Variants in CYB5R4 observed in about 807,000 individuals in gnomAD.
CYB5R4 encodes the protein cytochrome b5 reductase 4, also known as N-terminal cytochrome b5 and cytochrome b5 oxidoreductase domain-containing protein.
A neutral mutation model predicts 70.2 loss-of-function variants in CYB5R4; 55 were observed. The ratio of observed to expected loss-of-function variants is 0.78; its 90% CI spans 0.63 to 0.98. The LOEUF (loss-of-function observed/expected upper bound fraction) is 0.98. CYB5R4 is among the 50% of genes least tolerant of loss of function. CYB5R4 has a pLI of 0.00. For missense variants in CYB5R4, 562 were observed against 612.6 expected, an observed-to-expected ratio of 0.92 and a Z score of 0.87; for synonymous variants, 197 against 199.5, an observed-to-expected ratio of 0.99 and a Z score of 0.11.
In CYB5R4 at chr6:83,924,509, T is replaced by C. The variant is rs1289732954; in HGVS notation, c.731T>C (p.Leu244Pro). Residue 244 changes from leucine (L) to proline (P), a missense_variant, in exon 10 of 16, where the codon CTA (leucine) becomes CCA (proline). Transcript: ENST00000369681. ...VESVGKIEIV[L>P]QKKENTSWDF... ...AGTGTGGGAAAAATAGAGATTGTTCTACAAAAAAAAGAGAATACTTCTTGG... is the reference window on the plus strand; with the variant it reads ...AGTGTGGGAAAAATAGAGATTGTTCCACAAAAAAAAGAGAATACTTCTTGG... 5.6e-6 allele frequency: 9 copies of C among 1,613,598 alleles called. No individual in the cohort carries two copies. The highest frequency in any genetic ancestry group is 6.8e-6 in the Non-Finnish European group (8 of 1,179,770).
chr6:83,898,068 G>A (rs149189367), intron 3 of CYB5R4, among the ~76,000 whole-genome samples: 330 of 144,880 alleles, frequency 2.3e-3, no homozygotes, highest in African/African-American at 8.7e-3. Flanking sequence ...TTATGGTAGC[G>A]TTTTTATGGT....
At chr6:83,859,918 C>G in intron 1 of CYB5R4, 61 bp downstream of exon 1, 7 of 1,475,154 alleles carry the variant, frequency 4.7e-6, no homozygotes, top group Non-Finnish European at 6.4e-6. Flanking sequence ...GCAGTGTGTT[C>G]TCTTCTTCCG....
chr6:83,942,661 T>C (rs180779029), intron 14 of CYB5R4, among the ~76,000 whole-genome samples: 4 of 152,222 alleles, frequency 2.6e-5, no homozygotes, highest in Non-Finnish European at 5.9e-5. Context: ...AGCCAGGTGG[T>C]CTTGCTCAGC....
At chr6:83,938,518 T>C (rs570002253) in intron 12 of CYB5R4, among the ~76,000 whole-genome samples, 31 of 152,328 alleles carry the variant, frequency 2.0e-4, no homozygotes, top group African/African-American at 7.0e-4. Flanking sequence ...TGGCTTTCCA[T>C]GTGTTCTGAT....
At chr6:83,924,069 CAAAAAA>C (rs34702511) in intron 9 of CYB5R4, among the ~76,000 whole-genome samples, 1 of 52,896 alleles carries the variant, frequency 1.9e-5, no homozygotes, top group Non-Finnish European at 3.4e-5. Flanking sequence ...GACTCCGTCT[CAAAAAA>C]AAAAAAAAAA....
intron 14 of CYB5R4, among the ~76,000 whole-genome samples, chr6:83,953,517 C>T (rs950061760): frequency 4.6e-5 from 7 of 151,850 alleles, no homozygotes; most frequent in Non-Finnish European, 1.0e-4. Flanking sequence ...GCTGGGGCCC[C>T]AAGTACTCTG....
intron 9 of CYB5R4, among the ~76,000 whole-genome samples, chr6:83,924,142 C>CTTT (rs35960110): frequency 4.6e-5 from 6 of 129,928 alleles, no homozygotes; most frequent in East Asian, 2.1e-4. Flanking sequence ...ACATCTCAAC[C>CTTT]TTTTTTTTTT....
At chr6:83,871,975 ATTGT>A (rs777423570) in intron 2 of CYB5R4, among the ~76,000 whole-genome samples, 40 of 151,462 alleles carry the variant, frequency 2.6e-4, no homozygotes, top group Admixed American at 3.9e-4. Context: ...TTTCTGTTAC[ATTGT>A]TTGTTGTTTC....
intron 14 of CYB5R4, among the ~76,000 whole-genome samples, chr6:83,954,853 C>T (rs919177973): frequency 2.0e-5 from 3 of 151,884 alleles, no homozygotes; most frequent in Admixed American, 1.3e-4. Context: ...GCTAGGACCA[C>T]AGGCACATGC....
chr6:83,901,218 T>A (rs2099462893), intron 3 of CYB5R4, among the ~76,000 whole-genome samples: 1 of 152,198 alleles, frequency 6.6e-6, no homozygotes, highest in South Asian at 2.1e-4. Flanking sequence ...CTCCTTCACT[T>A]ATGAAGCTTA....
At chr6:83,956,956 C>G (rs375162083) in intron 15 of CYB5R4, among the ~76,000 whole-genome samples, 1 of 150,400 alleles carries the variant, frequency 6.6e-6, no homozygotes, top group Non-Finnish European at 1.5e-5. Flanking sequence ...TTATATCTTG[C>G]TTTTTTATTT....
chr6:83,912,951 C>T lies in CYB5R4; in HGVS notation c.413-1465C>T, dbSNP rs538820270. Among the ~76,000 whole-genome samples the T allele has an allele frequency of 3.3e-5, 5 of 152,238 alleles. No homozygotes were observed. The East Asian group carries it at 9.6e-4, about 29-fold the overall frequency. On this transcript the variant is annotated intron_variant, in intron 4 of 15. Transcript: ENST00000369681. The stretch of plus-strand genomic sequence containing the variant: ...AAGTTCTGACAGATTCAAATCTATT[C>T]ATATCAGGCAAGAAATAATCATAAG...
At chr6:83,888,917 C>G (rs2099460683) in intron 2 of CYB5R4, among the ~76,000 whole-genome samples, 1 of 152,156 alleles carries the variant, frequency 6.6e-6, no homozygotes, top group African/African-American at 2.4e-5. Flanking sequence ...TATAAGAAAG[C>G]AAAACAACCT....
At chr6:83,957,128 A>T (rs913970861) in intron 15 of CYB5R4, among the ~76,000 whole-genome samples, 2 of 151,982 alleles carry the variant, frequency 1.3e-5, no homozygotes, top group African/African-American at 4.8e-5. Context: ...ACTTAAAAAG[A>T]TTTTTCAAGT....
intron 10 of CYB5R4, among the ~76,000 whole-genome samples, chr6:83,927,665 T>C (rs1451635489): frequency 6.6e-6 from 1 of 152,218 alleles, no homozygotes; most frequent in Non-Finnish European, 1.5e-5. Context: ...ACCTCAGTGA[T>C]TGCATCACCC....
intron 5 of CYB5R4, among the ~76,000 whole-genome samples, chr6:83,916,520 C>A (rs1295245412): frequency 6.6e-6 from 1 of 151,968 alleles, no homozygotes; most frequent in Non-Finnish European, 1.5e-5. Context: ...TCTTGTAGTC[C>A]TCTCTTGTTT....
At chr6:83,918,203 T>A (rs2099465812) in intron 6 of CYB5R4, 138 bp downstream of exon 6, 1 of 544,110 alleles carries the variant, frequency 1.8e-6, no homozygotes, top group Admixed American at 3.1e-5. Flanking sequence ...CTGTAATGCC[T>A]CATTTATTAG....
intron 14 of CYB5R4, among the ~76,000 whole-genome samples, chr6:83,954,895 T>G (rs750577798): frequency 1.8e-4 from 27 of 149,524 alleles, no homozygotes; most frequent in Non-Finnish European, 3.9e-4. Flanking sequence ...AACAGTTTTT[T>G]TTGTTGTTGT....
chr6:83,920,623 AT>A (rs58054356), intron 7 of CYB5R4, among the ~76,000 whole-genome samples: 1 of 151,576 alleles, frequency 6.6e-6, no homozygotes, highest in South Asian at 2.1e-4. Context: ...TAGTGAATTG[AT>A]TTTTTTTATA....
Sources: allele counts gnomAD v4.1 joint callset (sites outside exome capture counted in the v4.1 genomes callset), GRCh38; gene constraint gnomAD v4.1.1; transcripts MANE v1.5; gene names NCBI Gene and HGNC (gene_info 2026-07-23, HGNC 2026-07-21).